ANLN: variants seen among roughly 807,000 people sequenced by gnomAD.
The protein encoded by ANLN is anillin, actin binding protein.
ANLN carries 59 observed loss-of-function variants against 135.1 expected under a neutral mutation model. That is an observed-to-expected ratio of 0.44 (90% confidence interval 0.35 to 0.54). The LOEUF (loss-of-function observed/expected upper bound fraction) is 0.54, where lower values mean the gene tolerates loss of function less well. Ranked by LOEUF, ANLN falls within the 20% of genes least tolerant of loss-of-function variation. The pLI, the probability that ANLN is intolerant of heterozygous loss-of-function variation, is 0.00. For synonymous variants in ANLN, 406 were observed against 456.4 expected, an observed-to-expected ratio of 0.89 and a Z score of 1.41; for missense variants, 1,182 against 1,340.0, an observed-to-expected ratio of 0.88 and a Z score of 1.84.
At chr7:36,393,266 C>T (rs536247318) in intron 1 of ANLN, among the ~76,000 whole-genome samples, 10 of 152,208 alleles carry the variant, frequency 6.6e-5, no homozygotes, top group African/African-American at 1.9e-4. Flanking sequence ...TCAAGTGATC[C>T]GCCTGCCTTG....
chr7:36,451,785 C>G (rs1789255288), intron 23 of ANLN, among the ~76,000 whole-genome samples: 1 of 152,158 alleles, frequency 6.6e-6, no homozygotes, highest in South Asian at 2.1e-4. Context: ...GCTGGCTGTT[C>G]TCTGGAAGCA....
At chr7:36,398,000 C>T (rs184751495) in intron 2 of ANLN, among the ~76,000 whole-genome samples, 2 of 152,222 alleles carry the variant, frequency 1.3e-5, no homozygotes, top group East Asian at 1.9e-4. Flanking sequence ...TTGATGTCAA[C>T]GAGGCAATCA....
chr7:36,447,257 G>A (rs1244924524), intron 22 of ANLN, among the ~76,000 whole-genome samples: 5 of 151,874 alleles, frequency 3.3e-5, no homozygotes, highest in East Asian at 3.8e-4. Flanking sequence ...CTCAGCATAC[G>A]ATTTTTTTTC....
intron 20 of ANLN, among the ~76,000 whole-genome samples, chr7:36,429,460 A>C (rs1788225202): frequency 6.6e-6 from 1 of 152,148 alleles, no homozygotes; most frequent in South Asian, 2.1e-4. Flanking sequence ...ACCTCAGGCG[A>C]TCTGCTCGCC....
intron 20 of ANLN, among the ~76,000 whole-genome samples, chr7:36,437,803 C>G (rs1435379857): frequency 2.0e-5 from 3 of 151,906 alleles, no homozygotes; most frequent in Non-Finnish European, 4.4e-5. Context: ...GAGAGTTTCA[C>G]TCTTGCTGCC....
intron 15 of ANLN, 77 bp downstream of exon 15, chr7:36,424,020 G>A (rs1004748496): frequency 1.7e-5 from 25 of 1,434,886 alleles, no homozygotes; most frequent in Non-Finnish European, 2.3e-5. Context: ...GCATTCAGGT[G>A]GCATTTATAA....
intron 20 of ANLN, among the ~76,000 whole-genome samples, chr7:36,429,268 T>C (rs1703226979): frequency 6.6e-6 from 1 of 152,216 alleles, no homozygotes; most frequent in Non-Finnish European, 1.5e-5. Context: ...TCACCCAAGC[T>C]GGAGTGCAGT....
intron 20 of ANLN, among the ~76,000 whole-genome samples, chr7:36,435,636 G>A (rs1184969999): frequency 6.6e-6 from 1 of 152,034 alleles, no homozygotes; most frequent in East Asian, 1.9e-4. Flanking sequence ...CACTTTGGGA[G>A]GCCGAGGCGG....
chr7:36,413,850 C>T (rs1286446697), intron 7 of ANLN, among the ~76,000 whole-genome samples: 1 of 151,982 alleles, frequency 6.6e-6, no homozygotes, highest in African/African-American at 2.4e-5. Context: ...AAAAATTAGC[C>T]AGGCCTGGTG....
At chr7:36,403,730 C>T (rs1472042473) in intron 3 of ANLN, among the ~76,000 whole-genome samples, 3 of 152,074 alleles carry the variant, frequency 2.0e-5, no homozygotes, top group Admixed American at 6.5e-5. Context: ...CTCGCTGCAA[C>T]CTCCTCCACC....
chr7:36,452,419 T>TG, intron 23 of ANLN, 58 bp from the exon 24 acceptor site: 1 of 1,606,872 alleles, frequency 6.2e-7, no homozygotes, highest in South Asian at 1.1e-5. Flanking sequence ...CAAGAGTACA[T>TG]GGGGGTATGG....
At position 36,406,432 on chromosome 7, in the gene ANLN, A is replaced by G. The variant is rs1228300490; in HGVS notation, c.739A>G (p.Arg247Gly). 4.3e-6 allele frequency: 7 copies of G among 1,613,584 alleles called. No homozygotes were observed. Among genetic ancestry groups the G allele is most frequent in the Non-Finnish European group, 5.9e-6 (7 of 1,179,650 alleles). The stretch of plus-strand genomic sequence containing the variant: ...TTCCTCTGCAAGTGGAGCATCTGCT[A>G]GGATCAATAGCAGCAGTGTTAAGCA... ...KFSSASGASARINSSSVKQEA... is the reference protein window; with the variant it reads ...KFSSASGASAGINSSSVKQEA... The change falls in exon 4 of 24, where the codon AGG becomes GGG. Residue 247 changes from arginine to glycine, a missense_variant. Arg to Gly is a moderately radical substitution (Grantham distance 125). Coordinates refer to ENST00000265748, the MANE Select transcript of ANLN (RefSeq NM_018685.5).
intron 20 of ANLN, among the ~76,000 whole-genome samples, chr7:36,429,436 G>A (rs1788223617): frequency 6.6e-6 from 1 of 152,082 alleles, no homozygotes; most frequent in Admixed American, 6.6e-5. Context: ...ACCCAGGCTA[G>A]TCTTGAACTC....
At chr7:36,412,327 A>ATATTT (rs1491401014) in intron 7 of ANLN, among the ~76,000 whole-genome samples, 5 of 94,808 alleles carry the variant, frequency 5.3e-5, no homozygotes, top group East Asian at 4.5e-4. Context: ...ATATATATAT[A>ATATTT]TTTTTTTTTT....
At chr7:36,420,475 C>T (rs1787830454) in intron 11 of ANLN, 122 bp from the exon 12 acceptor site, 20 of 1,262,358 alleles carry the variant, frequency 1.6e-5, no homozygotes, top group Non-Finnish European at 2.2e-5. Flanking sequence ...GAGTTCCATT[C>T]TGTTGTGAAA....
At chr7:36,425,224 A>C (rs982009966) in intron 17 of ANLN, among the ~76,000 whole-genome samples, 1 of 151,806 alleles carries the variant, frequency 6.6e-6, no homozygotes, top group African/African-American at 2.4e-5. Flanking sequence ...CTCAAGTGTA[A>C]TGTTTTCATA....
At chr7:36,420,375 C>T (rs765460271) in intron 11 of ANLN, 61 bp downstream of exon 11, 8 of 1,553,348 alleles carry the variant, frequency 5.2e-6, no homozygotes, top group South Asian at 3.6e-5. Flanking sequence ...TGACATAAGT[C>T]GTGTTATAAT....
intron 1 of ANLN, among the ~76,000 whole-genome samples, chr7:36,391,960 A>G (rs193278521): frequency 6.1e-4 from 87 of 143,338 alleles, no homozygotes; most frequent in Non-Finnish European, 1.2e-3. Flanking sequence ...TTTTTTTAAG[A>G]CGGAGTCTCG....
At position 36,410,787 on chromosome 7, in the gene ANLN, T is replaced by C. The variant is rs188538179; in HGVS notation, c.1287+83T>C. ...ATCAAAATGGGTTCTGATGCCAGTCTTTTTGACTGAGATAAGTAGCATCTT... is the reference window on the plus strand; with the variant it reads ...ATCAAAATGGGTTCTGATGCCAGTCCTTTTGACTGAGATAAGTAGCATCTT... On this transcript the variant is annotated intron_variant, in intron 6 of 23. Coordinates refer to ENST00000265748, the MANE Select transcript of ANLN (RefSeq NM_018685.5). 1.3e-5 allele frequency: 18 copies of C among 1,358,198 alleles called. No individual in the cohort carries two copies. In the East Asian group the frequency reaches 3.9e-4, roughly 30 times the overall value. 84.1% of individuals were successfully genotyped at this position (1,358,198 alleles called of 1,614,324 possible).
Sources: gnomAD v4.1 joint callset for allele counts (sites outside exome capture counted in the v4.1 genomes callset) on GRCh38, gnomAD v4.1.1 for gene constraint, MANE v1.5 for transcripts, NCBI Gene and HGNC (gene_info 2026-07-23, HGNC 2026-07-21) for gene names.